Variants in DAGLA observed in about 807,000 individuals in gnomAD.
DAGLA encodes the protein diacylglycerol lipase alpha.
Under a neutral mutation model 102.6 loss-of-function variants are expected in DAGLA, and 22 were observed. The ratio of observed to expected loss-of-function variants is 0.21; its 90% CI spans 0.15 to 0.31. DAGLA has a LOEUF of 0.31. DAGLA is among the 10% of genes least tolerant of loss of function. The pLI is 1.00. For synonymous variants in DAGLA, 578 were observed against 628.9 expected, an observed-to-expected ratio of 0.92 and a Z score of 1.21; for missense variants, 927 against 1,446.6, an observed-to-expected ratio of 0.64 and a Z score of 5.83.
chr11:61,707,228 G>A (rs952600121), intron 1 of DAGLA, among the ~76,000 whole-genome samples: 8 of 152,262 alleles, frequency 5.3e-5, no homozygotes, highest in African/African-American at 1.4e-4. Flanking sequence ...TGAGCAGGTC[G>A]GGAAGCAGAG....
In DAGLA at chr11:61,720,247, C is replaced by T; in HGVS notation, c.92C>T (p.Thr31Ile). 2 of 1,613,628 alleles carry T rather than the reference C, an allele frequency of 1.2e-6. No homozygotes were observed. Among genetic ancestry groups the T allele is most frequent in the South Asian group, 2.2e-5 (2 of 91,084 alleles). Residue 31 changes from threonine (T) to isoleucine (I), a missense_variant, in exon 2 of 20, where the codon ACC becomes ATC. Thr to Ile is a moderately conservative substitution (Grantham distance 89). This residue lies in a region of DAGLA where 231 missense variants were observed against 439.8 expected (regional missense o/e 0.53). Transcript: ENST00000257215. ...ATCTTCCTCTTTCTCCTGCATACCACCTGGTGAGTCCCCAGGCCCGGGGCC... is the reference window on the plus strand; with the variant it reads ...ATCTTCCTCTTTCTCCTGCATACCATCTGGTGAGTCCCCAGGCCCGGGGCC... ...PAIFLFLLHT[T>I]WFVILSVVLF... is the part of the protein sequence containing the mutation.
In DAGLA at chr11:61,743,640, G is replaced by T; in HGVS notation, c.2280G>T (p.Leu760=). The T allele has an allele frequency of 6.3e-7, 1 of 1,599,186 alleles. No individual in the cohort carries two copies. The highest frequency in any genetic ancestry group is 8.5e-7 in the Non-Finnish European group (1 of 1,176,504). ...AGGACCCGGTGGAGCTGCTGCTGCT[G>T]TCTACCCAGGAGCGGCTGGCGGCGG... The part of the protein sequence containing the change: ...ARQDPVELLL[L]STQERLAAEL... Residue 760 remains leucine (L), a synonymous_variant, in exon 20 of 20, where the codon CTG becomes CTT. Coordinates refer to ENST00000257215, the MANE Select transcript of DAGLA (RefSeq NM_006133.3).
Position 61,731,411 on chromosome 11 carries a change from G to T in DAGLA, c.944G>T (p.Cys315Phe). ...WPMYLMRKPA[C>F]GLCQLARSCS... ...ATGTACCTGATGCGGAAGCCCGCCT[G>T]CGGCCTCTGCCAACTGGCTCGGTCC... The change falls in exon 9 of 20, where the codon TGC becomes TTC. Residue 315 changes from cysteine (C) to phenylalanine (F), a missense_variant. Around this residue, in one of 4 missense-constraint regions of DAGLA, gnomAD observed 44 missense variants for 44.0 expected, o/e 1.00. Transcript: ENST00000257215. The T allele has an allele frequency of 6.2e-7, 1 of 1,613,986 alleles. No homozygotes were observed. Among genetic ancestry groups the T allele is most frequent in the Non-Finnish European group, 8.5e-7 (1 of 1,180,006 alleles).
chr11:61,706,824 G>C lies in DAGLA; in HGVS notation c.-44-13288G>C, dbSNP rs528427254. Among the ~76,000 whole-genome samples the C allele has an allele frequency of 1.8e-3, 267 of 152,330 alleles. 6 individuals are homozygous for C. In the South Asian group the frequency reaches 0.03, roughly 17 times the overall value. On this transcript the variant is annotated intron_variant, in intron 1 of 19. Coordinates refer to ENST00000257215, the MANE Select transcript of DAGLA (RefSeq NM_006133.3). ...GATTGCCTCCCCAAACCCTGGAGGA[G>C]ACGAGGTGCCACTTTCTGCCTGGCA...
chr11:61,738,164 G>A lies in DAGLA; in HGVS notation c.1613G>A (p.Arg538His), dbSNP rs770544964. The A allele has an allele frequency of 1.9e-6, 3 of 1,613,426 alleles. No homozygotes were observed. Among genetic ancestry groups the A allele is most frequent in the Non-Finnish European group, 2.5e-6 (3 of 1,179,958 alleles). Residue 538 changes from arginine to histidine, a missense_variant, in exon 16 of 20, where the codon CGC (arginine) becomes CAC (histidine). By Grantham distance (29) the Arg-to-His change is conservative (BLOSUM62 0). This residue lies in a region of DAGLA where 218 missense variants were observed against 459.6 expected (regional missense o/e 0.47). Coordinates refer to ENST00000257215, the MANE Select transcript of DAGLA (RefSeq NM_006133.3). Reference protein sequence around the residue: ...RIGLSQLEGFRRQLLDVLQRS... With the variant: ...RIGLSQLEGFHRQLLDVLQRS... ...GGCCTCTCTCAGCTGGAAGGCTTCC[G>A]CAGACAGCTCCTGGATGTCCTGCAG... is the stretch of plus-strand genomic sequence containing the variant.
intron 1 of DAGLA, among the ~76,000 whole-genome samples, chr11:61,683,324 G>C (rs752327967): frequency 6.6e-6 from 1 of 152,208 alleles, no homozygotes; most frequent in Non-Finnish European, 1.5e-5. Context: ...CTGCCACGCA[G>C]ACACTGTCCA....
intron 1 of DAGLA, among the ~76,000 whole-genome samples, chr11:61,719,829 A>G (rs2065267052): frequency 6.6e-6 from 1 of 151,730 alleles, no homozygotes; most frequent in Non-Finnish European, 1.5e-5. Context: ...AGAGCTCAAC[A>G]GTGACTGCTG....
intron 1 of DAGLA, among the ~76,000 whole-genome samples, chr11:61,682,892 GA>G (rs1338984082): frequency 6.6e-6 from 1 of 152,022 alleles, no homozygotes; most frequent in East Asian, 1.9e-4. Flanking sequence ...ACACATAGGG[GA>G]AAGGAAAGGG....
chr11:61,732,218 G>A (rs2135595398), intron 9 of DAGLA, among the ~76,000 whole-genome samples: 1 of 152,318 alleles, frequency 6.6e-6, no homozygotes, highest in South Asian at 2.1e-4. Flanking sequence ...CTGGGCAGCA[G>A]CTTCTTTCCT....
At chr11:61,728,069 C>T in intron 6 of DAGLA, 84 bp from the exon 7 acceptor site, 3 of 1,528,282 alleles carry the variant, frequency 2.0e-6, no homozygotes, top group Non-Finnish European at 2.7e-6. Flanking sequence ...TCTGCAGCCT[C>T]CCAGCCCTGG....
At chr11:61,713,194 T>C (rs2065208596) in intron 1 of DAGLA, among the ~76,000 whole-genome samples, 1 of 152,164 alleles carries the variant, frequency 6.6e-6, no homozygotes, top group Admixed American at 6.5e-5. Flanking sequence ...AGCTCCTCAG[T>C]CTGTAAGAAG....
At chr11:61,691,302 T>G (rs373862841) in intron 1 of DAGLA, among the ~76,000 whole-genome samples, 23 of 152,294 alleles carry the variant, frequency 1.5e-4, no homozygotes, top group African/African-American at 5.3e-4. Flanking sequence ...GTATAAATTA[T>G]AGGAACCCTC....
rs1045619095 is a variant in DAGLA at position 61,728,054 on chromosome 11, C to A, written c.637-99C>A. The stretch of plus-strand genomic sequence containing the variant: ...TGTCCAGGGGACCCCGAGCAGACAC[C>A]TGCTTCTGCAGCCTCCCAGCCCTGG... On this transcript the variant is annotated intron_variant, in intron 6 of 19. Coordinates refer to ENST00000257215, the MANE Select transcript of DAGLA (RefSeq NM_006133.3). The A allele has an allele frequency of 2.8e-6, 4 of 1,427,904 alleles. No individual in the cohort carries two copies. In the African/African-American group the frequency reaches 5.6e-5, roughly 20 times the overall value. 88.5% of individuals were successfully genotyped at this position (1,427,904 alleles called of 1,614,324 possible). A position where few individuals can be genotyped will look rare whatever the true frequency, so the allele number is the denominator to read the frequency against.
chr11:61,692,103 T>A (rs997984424), intron 1 of DAGLA, among the ~76,000 whole-genome samples: 24 of 152,184 alleles, frequency 1.6e-4, no homozygotes, highest in Non-Finnish European at 2.5e-4. Flanking sequence ...GGGCAGTGTT[T>A]GACCCATAGT....
chr11:61,690,788 C>G (rs568405090), intron 1 of DAGLA, among the ~76,000 whole-genome samples: 1 of 152,254 alleles, frequency 6.6e-6, no homozygotes, highest in African/African-American at 2.4e-5. Flanking sequence ...GAGGAACAGC[C>G]GCCCACAAAA....
At chr11:61,706,786 G>A (rs1485941255) in intron 1 of DAGLA, among the ~76,000 whole-genome samples, 3 of 152,114 alleles carry the variant, frequency 2.0e-5, no homozygotes, top group African/African-American at 7.2e-5. Flanking sequence ...TGCTGAGGAA[G>A]CAGGCATTAT....
At position 61,734,551 on chromosome 11, in the gene DAGLA, G is replaced by A. The variant is rs952799891; in HGVS notation, c.975-298G>A. 2.6e-5 allele frequency among the ~76,000 whole-genome samples: 4 copies of A among 152,100 alleles called. No homozygotes were observed. Among genetic ancestry groups the A allele is most frequent in the African/African-American group, 9.7e-5 (4 of 41,404 alleles). The stretch of plus-strand genomic sequence containing the variant: ...GAGGGACCCCAGGGCTTCAGTGTTG[G>A]GTGCATCGCTGAGTAGGCCCTGCCC... On this transcript the variant is annotated intron_variant, in intron 9 of 19. Transcript: ENST00000257215. This position sits in a 1 kb window ranked among gnomAD's most constrained non-coding sequence, Gnocchi z 4.2.
chr11:61,738,122 G>A lies in DAGLA; in HGVS notation c.1584-13G>A, dbSNP rs186296528. 4.8e-3 allele frequency: 7,728 copies of A among 1,612,478 alleles called. 469 individuals carry two copies. The Admixed American group carries it at 0.11, about 23-fold the overall frequency. On this transcript the variant is annotated splice_polypyrimidine_tract_variant and intron_variant, in intron 15 of 19. Transcript: ENST00000257215. Reference sequence around the variant, plus strand: ...CAGGCCTGGCTGACGGCCCTGTCTCGTTCCCTCCCCAGGATTGGCCTCTCT... The same window carrying A: ...CAGGCCTGGCTGACGGCCCTGTCTCATTCCCTCCCCAGGATTGGCCTCTCT...
At chr11:61,732,038 C>T (rs1429809508) in intron 9 of DAGLA, among the ~76,000 whole-genome samples, 2 of 152,188 alleles carry the variant, frequency 1.3e-5, no homozygotes, top group South Asian at 2.1e-4. Context: ...CCTAGCTCTG[C>T]GCTCAGCCCA....
Sources: allele counts gnomAD v4.1 joint callset (sites outside exome capture counted in the v4.1 genomes callset), GRCh38; gene constraint gnomAD v4.1.1; regional missense constraint gnomAD v4.1.1; non-coding constraint Gnocchi (gnomAD v3.1); transcripts MANE v1.5; gene names NCBI Gene and HGNC (gene_info 2026-07-23, HGNC 2026-07-21).